Variants in TMEM51 observed in about 807,000 individuals in gnomAD.
TMEM51 encodes the protein chromosome 1 open reading frame 72.
Under a neutral mutation model 13.6 loss-of-function variants are expected in TMEM51, and 8 were observed. That is an observed-to-expected ratio of 0.59 (90% CI 0.35 to 1.07). The LOEUF (loss-of-function observed/expected upper bound fraction) is 1.07, where lower values mean the gene tolerates loss of function less well. TMEM51 is among the 50% of genes least tolerant of loss of function. TMEM51 has a pLI of 0.02. For synonymous variants in TMEM51, 147 were observed against 144.4 expected (o/e 1.02, Z -0.13); for missense variants, 279 against 330.7 (o/e 0.84, Z 1.21).
intron 1 of TMEM51, among the ~76,000 whole-genome samples, chr1:15,182,780 G>C (rs1211370769): frequency 1.3e-5 from 2 of 152,038 alleles, no homozygotes; most frequent in South Asian, 2.1e-4. Context: ...TTCTTTTGGG[G>C]GGCACAGAAT....
intron 3 of TMEM51, among the ~76,000 whole-genome samples, chr1:15,216,240 G>T (rs1006919805): frequency 2.0e-5 from 3 of 152,086 alleles, no homozygotes; most frequent in Admixed American, 6.5e-5. Context: ...TTCCATTTGA[G>T]CAAAAATGCC....
intron 1 of TMEM51, among the ~76,000 whole-genome samples, chr1:15,185,058 C>T (rs991896652): frequency 4.6e-5 from 7 of 151,764 alleles, no homozygotes; most frequent in African/African-American, 1.7e-4. Flanking sequence ...GACCCCCACA[C>T]CCCAAAGATA....
intron 1 of TMEM51, among the ~76,000 whole-genome samples, chr1:15,167,680 T>C (rs1459254644): frequency 6.6e-6 from 1 of 152,204 alleles, no homozygotes; most frequent in African/African-American, 2.4e-5. Context: ...GAAACATTGA[T>C]AATATCCTCC....
chr1:15,157,484 AC>A (rs1573364663), intron 1 of TMEM51, among the ~76,000 whole-genome samples: 1 of 152,180 alleles, frequency 6.6e-6, no homozygotes, highest in African/African-American at 2.4e-5. Flanking sequence ...CAGGACCAGA[AC>A]CCGAGGTTCC....
chr1:15,170,355 T>A lies in TMEM51; in HGVS notation c.-267+16401T>A, dbSNP rs78723689. Reference sequence around the variant, plus strand: ...CCTGGGATACTGCTGGGTTTTTTTTTATCTTTTTTTTTTTTTGAGATGGAG... The same window carrying A: ...CCTGGGATACTGCTGGGTTTTTTTTAATCTTTTTTTTTTTTTGAGATGGAG... On this transcript the variant is annotated intron_variant, in intron 1 of 3. Coordinates refer to ENST00000376008, the MANE Select transcript of TMEM51 (RefSeq NM_001136218.2). Among the ~76,000 whole-genome samples the A allele has an allele frequency of 4.2e-3, 569 of 135,926 alleles. 3 individuals are homozygous for A. The highest frequency in any genetic ancestry group is 0.015 in the African/African-American group (529 of 36,052). The allele number at this position is 135,926 out of a possible 152,430, so 89.2% of individuals were successfully genotyped here.
At position 15,161,253 on chromosome 1, in the gene TMEM51, T is replaced by A. The variant is rs1047634835; in HGVS notation, c.-267+7299T>A. Among the ~76,000 whole-genome samples, 1 of 152,088 alleles carries A rather than the reference T, an allele frequency of 6.6e-6. No homozygotes were observed. The highest frequency in any genetic ancestry group is 2.4e-5 in the African/African-American group (1 of 41,326). On this transcript the variant is annotated intron_variant, in intron 1 of 3. Transcript: ENST00000376008. This position sits in a 1 kb window ranked among gnomAD's most constrained non-coding sequence, Gnocchi z 4.0. ...TGGGCATGGTGGCTCATACCTGTAA[T>A]CCCAGCACTTTGGGAGGCCAAAGCA...
chr1:15,200,430 A>G (rs1056967693), intron 1 of TMEM51, among the ~76,000 whole-genome samples: 3 of 149,730 alleles, frequency 2.0e-5, no homozygotes, highest in Non-Finnish European at 4.4e-5. Flanking sequence ...AAAAAAAAAA[A>G]AAGAGAGAGA....
chr1:15,190,183 C>G (rs1643897159), intron 1 of TMEM51, among the ~76,000 whole-genome samples: 1 of 152,200 alleles, frequency 6.6e-6, no homozygotes, highest in African/African-American at 2.4e-5. Flanking sequence ...CACTATCTGT[C>G]TCACAGCCGT....
intron 1 of TMEM51, among the ~76,000 whole-genome samples, chr1:15,202,066 G>A (rs1644165996): frequency 6.6e-6 from 1 of 152,208 alleles, no homozygotes; most frequent in South Asian, 2.1e-4. Context: ...GGTGCCTGCT[G>A]ACTCAAGCAC....
intron 1 of TMEM51, among the ~76,000 whole-genome samples, chr1:15,155,360 C>T (rs751334840): frequency 6.6e-6 from 1 of 152,224 alleles, no homozygotes; most frequent in Non-Finnish European, 1.5e-5. Flanking sequence ...AGTCAGGCCA[C>T]ACCACTTGCT....
chr1:15,185,629 G>T (rs965517944), intron 1 of TMEM51, among the ~76,000 whole-genome samples: 2 of 152,158 alleles, frequency 1.3e-5, no homozygotes, highest in Non-Finnish European at 2.9e-5. Flanking sequence ...GGTTACAATG[G>T]GTGACGAAAG....
chr1:15,205,388 T>C (rs1438660464), intron 1 of TMEM51, among the ~76,000 whole-genome samples: 1 of 152,192 alleles, frequency 6.6e-6, no homozygotes, highest in African/African-American at 2.4e-5. Flanking sequence ...CCCATCGCTG[T>C]GGGATTACTG....
chr1:15,191,931 G>A (rs374223096), intron 1 of TMEM51: 44 of 530,516 alleles, frequency 8.3e-5, no homozygotes, highest in South Asian at 5.9e-4. Context: ...GAAGTTGTAG[G>A]CGTCTATTTA....
intron 1 of TMEM51, among the ~76,000 whole-genome samples, chr1:15,163,666 C>T (rs1642875063): frequency 6.7e-6 from 1 of 148,168 alleles, no homozygotes; most frequent in Non-Finnish European, 1.5e-5. Context: ...ATTAGAAAGC[C>T]ATTTTGTTTT....
At chr1:15,185,834 T>C (rs2100250744) in intron 1 of TMEM51, among the ~76,000 whole-genome samples, 1 of 152,326 alleles carries the variant, frequency 6.6e-6, no homozygotes, top group Admixed American at 6.5e-5. Context: ...CAGTTTTGAG[T>C]TCAGGCTCAT....
chr1:15,171,389 A>G (rs1643268487), intron 1 of TMEM51: 2 of 1,221,354 alleles, frequency 1.6e-6, no homozygotes, highest in Non-Finnish European at 2.1e-6. Flanking sequence ...AGGAAGGTGG[A>G]AGAGTTGCCG....
chr1:15,171,202 G>A (rs768439565), intron 1 of TMEM51: 10 of 1,303,500 alleles, frequency 7.7e-6, no homozygotes, highest in South Asian at 1.2e-5. Flanking sequence ...TGACGCTGAT[G>A]CTGTTGATTT....
At position 15,219,035 on chromosome 1, in the gene TMEM51, A is replaced by G. The variant is rs182751834; in HGVS notation, c.345-291A>G. On this transcript the variant is annotated intron_variant, in intron 3 of 3. Coordinates refer to ENST00000376008, the MANE Select transcript of TMEM51 (RefSeq NM_001136218.2). Reference sequence around the variant, plus strand: ...TTGAATTCCTTCCTTGATGAAGCCAAGAACCCTCCCAGGCTAAGCCCCAAT... The same window carrying G: ...TTGAATTCCTTCCTTGATGAAGCCAGGAACCCTCCCAGGCTAAGCCCCAAT... Among the ~76,000 whole-genome samples the G allele has an allele frequency of 5.1e-4, 78 of 152,264 alleles. 2 individuals are homozygous for G. Among genetic ancestry groups the G allele is most frequent in the Admixed American group, 2.7e-3 (41 of 15,284 alleles).
Position 15,214,914 on chromosome 1 carries a change from C to G in TMEM51, c.-174C>G. 1.6e-6 allele frequency: 1 copy of G among 632,632 alleles called. No homozygotes were observed. The allele number at this position is 632,632 out of a possible 1,614,324, so 39.2% of individuals were successfully genotyped here. On this transcript the variant is annotated 5_prime_UTR_variant, in exon 3 of 4. The change creates a new upstream start codon in the 5' untranslated region. Transcript: ENST00000376008. ...TTCCAGGCCCTTCCACCGCAGCCAT[C>G]CGCACGGGAGGCCTCGCGATTGCTC...
Sources: allele counts gnomAD v4.1 joint callset (sites outside exome capture counted in the v4.1 genomes callset), GRCh38; gene constraint gnomAD v4.1.1; non-coding constraint Gnocchi (gnomAD v3.1); transcripts MANE v1.5; gene names NCBI Gene and HGNC (gene_info 2026-07-23, HGNC 2026-07-21).